The following MTA1 variants were observed in gnomAD, a reference collection of about 807,000 sequenced individuals.
MTA1 encodes metastasis-associated protein MTA1.
Under a neutral mutation model 97.0 loss-of-function variants are expected in MTA1, and 15 were observed. The observed-to-expected ratio is 0.15, with a 90% CI of 0.10 to 0.24. The LOEUF (loss-of-function observed/expected upper bound fraction) is 0.24. Ranked by LOEUF, MTA1 falls within the 10% of genes least tolerant of loss-of-function variation. The pLI is 1.00. For synonymous variants in MTA1, 435 were observed against 417.5 expected (o/e 1.04, Z -0.51); for missense variants, 709 against 1,015.1 (o/e 0.70, Z 4.10).
intron 2 of MTA1, among the ~76,000 whole-genome samples, chr14:105,439,257 G>C (rs2082428598): frequency 6.6e-6 from 1 of 152,216 alleles, no homozygotes; most frequent in Non-Finnish European, 1.5e-5. Context: ...TGTCTGCGTG[G>C]CTGGAAGCGC....
chr14:105,423,204 T>G (rs28741003), intron 1 of MTA1, among the ~76,000 whole-genome samples: 6,750 of 151,076 alleles, frequency 0.045, 508 homozygotes, highest in African/African-American at 0.16. Flanking sequence ...CTTTTGGATT[T>G]TTTTTGTTTA....
intron 15 of MTA1, 78 bp from the exon 16 acceptor site, chr14:105,465,016 C>T: frequency 7.0e-7 from 1 of 1,433,864 alleles, no homozygotes; most frequent in Non-Finnish European, 9.2e-7. Context: ...CCAGTGAGGG[C>T]TCCCAGGTCA....
intron 1 of MTA1, among the ~76,000 whole-genome samples, chr14:105,432,472 C>T (rs1555423562): frequency 6.6e-6 from 1 of 152,156 alleles, no homozygotes; most frequent in Non-Finnish European, 1.5e-5. Flanking sequence ...AACTCCTGAC[C>T]TCATGATCCA....
chr14:105,430,780 A>C (rs1188010854), intron 1 of MTA1, among the ~76,000 whole-genome samples: 1 of 152,130 alleles, frequency 6.6e-6, no homozygotes, highest in Non-Finnish European at 1.5e-5. Context: ...TGGGTTTTAC[A>C]TTTTTTAATT....
intron 16 of MTA1, 59 bp from the exon 17 acceptor site, chr14:105,466,363 GGCCT>G (rs1446181218): frequency 1.4e-6 from 2 of 1,470,024 alleles, no homozygotes; most frequent in Non-Finnish European, 1.9e-6. Flanking sequence ...CTGGAGCCTG[GGCCT>G]GCCTGCCCCT....
chr14:105,456,322 T>C (rs2083151118), intron 7 of MTA1, among the ~76,000 whole-genome samples: 1 of 152,234 alleles, frequency 6.6e-6, no homozygotes, highest in Non-Finnish European at 1.5e-5. Flanking sequence ...CTGGGGCCAG[T>C]GGGCCTGTCA....
intron 1 of MTA1, among the ~76,000 whole-genome samples, chr14:105,430,965 G>A (rs1021362016): frequency 6.6e-6 from 1 of 152,108 alleles, no homozygotes; most frequent in Admixed American, 6.5e-5. Context: ...TTTGTGATAG[G>A]GACAGGAAAA....
At chr14:105,444,427 C>A (rs2082647036) in intron 2 of MTA1, among the ~76,000 whole-genome samples, 1 of 151,892 alleles carries the variant, frequency 6.6e-6, no homozygotes, top group Non-Finnish European at 1.5e-5. Context: ...GAGATGGAGG[C>A]TGCAGTGACC....
chr14:105,449,289 G>C, intron 3 of MTA1, 70 bp from the exon 4 acceptor site: 1 of 1,520,364 alleles, frequency 6.6e-7, no homozygotes, highest in Non-Finnish European at 8.9e-7. Flanking sequence ...CTCGGTCCGG[G>C]CCCTGGGCAG....
chr14:105,431,728 T>TA (rs1300435181), intron 1 of MTA1, among the ~76,000 whole-genome samples: 1 of 151,304 alleles, frequency 6.6e-6, no homozygotes, highest in Non-Finnish European at 1.5e-5. Context: ...CGGGCCCGAG[T>TA]GATTCTCCTG....
At chr14:105,437,574 C>A (rs1466993315) in intron 1 of MTA1, among the ~76,000 whole-genome samples, 1 of 152,252 alleles carries the variant, frequency 6.6e-6, no homozygotes, top group Non-Finnish European at 1.5e-5. Flanking sequence ...GAGATGCTCT[C>A]CAGGCCCCTC....
intron 6 of MTA1, among the ~76,000 whole-genome samples, chr14:105,450,862 C>T (rs922633910): frequency 6.6e-5 from 10 of 152,352 alleles, no homozygotes; most frequent in Admixed American, 1.3e-4. Context: ...GGAGCAGTGT[C>T]GCCTGACGGA....
chr14:105,429,215 G>A (rs868966436), intron 1 of MTA1, among the ~76,000 whole-genome samples: 2 of 152,122 alleles, frequency 1.3e-5, no homozygotes, highest in Admixed American at 6.6e-5. Context: ...TTCCCATCCC[G>A]GCACTTCAGC....
At chr14:105,444,953 C>T (rs1330694286) in intron 2 of MTA1, among the ~76,000 whole-genome samples, 8 of 152,198 alleles carry the variant, frequency 5.3e-5, no homozygotes, top group African/African-American at 1.2e-4. Context: ...GACTTGGAGA[C>T]GTTTGTCAGC....
chr14:105,448,835 C>A (rs2082810889), intron 3 of MTA1, among the ~76,000 whole-genome samples: 1 of 152,280 alleles, frequency 6.6e-6, no homozygotes, highest in African/African-American at 2.4e-5. Context: ...GCCCGGCTGG[C>A]TGTGGTCCCA....
intron 19 of MTA1, 90 bp downstream of exon 19, chr14:105,469,588 G>T: frequency 6.8e-7 from 1 of 1,477,798 alleles, no homozygotes; most frequent in Non-Finnish European, 9.4e-7. Flanking sequence ...CCTGCCAGGT[G>T]CCACGTGGAA....
At chr14:105,437,476 TGTCCTCACGGGCACGAGCCTGCAGGTGC>T (rs1296178431) in intron 1 of MTA1, among the ~76,000 whole-genome samples, 3 of 151,958 alleles carry the variant, frequency 2.0e-5, no homozygotes, top group Non-Finnish European at 4.4e-5. Flanking sequence ...CTCATGGGTG[TGTCCTCACGGGCACGAGCCTGCAGGTGC>T]GTCCTCACTG....
chr14:105,466,860 A>G, intron 18 of MTA1, 118 bp downstream of exon 18: 1 of 1,048,790 alleles, frequency 9.5e-7, no homozygotes, highest in Non-Finnish European at 1.4e-6. Context: ...AGTCCACGTG[A>G]GCCAGGCCAC....
intron 2 of MTA1, among the ~76,000 whole-genome samples, chr14:105,439,064 G>A (rs2082417070): frequency 1.3e-5 from 2 of 152,168 alleles, no homozygotes; most frequent in African/African-American, 4.8e-5. Flanking sequence ...GTGTGATTCT[G>A]AAACCAACCA....
Sources: allele counts gnomAD v4.1 joint callset (sites outside exome capture counted in the v4.1 genomes callset), GRCh38; gene constraint gnomAD v4.1.1; transcripts MANE v1.5; gene names NCBI Gene and HGNC (gene_info 2026-07-23, HGNC 2026-07-21).